The following HSPA4L variants were observed in gnomAD, a reference collection of about 807,000 sequenced individuals.
HSPA4L encodes heat shock 70 kDa protein 4L.
In HSPA4L, 48 loss-of-function variants were observed where a neutral mutation model predicts 100.3. The observed-to-expected ratio is 0.48, with a 90% CI of 0.38 to 0.61. The LOEUF is 0.61. Ranked by LOEUF, HSPA4L falls within the 20% of genes least tolerant of loss-of-function variation. The pLI, the probability that HSPA4L is intolerant of heterozygous loss-of-function variation, is 0.00. For missense variants in HSPA4L, 886 were observed against 988.6 expected, an observed-to-expected ratio of 0.90 and a Z score of 1.39; for synonymous variants, 319 against 328.2, an observed-to-expected ratio of 0.97 and a Z score of 0.30.
At chr4:127,817,066 T>G (rs1198275773) in intron 12 of HSPA4L, among the ~76,000 whole-genome samples, 2 of 152,068 alleles carry the variant, frequency 1.3e-5, no homozygotes, top group Non-Finnish European at 2.9e-5. Context: ...TCAAAAATAA[T>G]TGATTTTTTT....
At chr4:127,813,110 T>C (rs1053399095) in intron 12 of HSPA4L, 1 of 1,305,396 alleles carries the variant, frequency 7.7e-7, no homozygotes, top group Non-Finnish European at 1.1e-6. Context: ...TAGATTCGCA[T>C]ATACGTGGCC....
rs768949544 is a variant in HSPA4L at position 127,820,438 on chromosome 4, C to T, written c.1685C>T (p.Ser562Leu). ...HTGAKTKSAV[S>L]DKQDRLNQTL... ...CTTTCGGATTTGCAGTCAGCTGTCT[C>T]AGACAAACAAGACCGATTAAATCAG... The change falls in exon 14 of 19, where the codon TCA becomes TTA. Residue 562 changes from serine (S) to leucine (L), a missense_variant. Transcript: ENST00000296464. 19 of 1,591,234 alleles carry T rather than the reference C, an allele frequency of 1.2e-5. No homozygotes were observed. In the Admixed American group the frequency reaches 3.5e-4, roughly 30 times the overall value.
At chr4:127,817,524 A>T (rs1334465261) in intron 12 of HSPA4L, among the ~76,000 whole-genome samples, 1 of 152,158 alleles carries the variant, frequency 6.6e-6, no homozygotes, top group Non-Finnish European at 1.5e-5. Context: ...GACCAAAAAA[A>T]TCTATTATAT....
At chr4:127,813,213 C>G in intron 12 of HSPA4L, 1 of 1,191,152 alleles carries the variant, frequency 8.4e-7, no homozygotes, top group Admixed American at 1.7e-5. Flanking sequence ...TGGCGAATTA[C>G]TGGAAGATGG....
intron 18 of HSPA4L, among the ~76,000 whole-genome samples, chr4:127,831,637 G>A (rs571835410): frequency 1.3e-5 from 2 of 151,506 alleles, no homozygotes; most frequent in Admixed American, 6.6e-5. Flanking sequence ...TCTGTTTAAA[G>A]ATGTATACAG....
At chr4:127,821,253 A>G (rs554783507) in intron 14 of HSPA4L, among the ~76,000 whole-genome samples, 1 of 152,202 alleles carries the variant, frequency 6.6e-6, no homozygotes, top group South Asian at 2.1e-4. Flanking sequence ...ATTCCTGGAG[A>G]TCCTGAATAA....
rs35272929 is a variant in HSPA4L, at chr4:127,811,179, C to CTT, written c.1379-245_1379-244dup. On this transcript the variant is annotated intron_variant, in intron 11 of 18. Transcript: ENST00000296464. Reference sequence around the variant, plus strand: ...ATTGTCCATGGTTAAATTCCCAGTGCTTTTTTTTTTTTTTCCTAGCATTGA... The same window carrying CTT: ...ATTGTCCATGGTTAAATTCCCAGTGCTTTTTTTTTTTTTTTTCCTAGCATTGA... 9.9e-4 allele frequency among the ~76,000 whole-genome samples: 141 copies of CTT among 142,416 alleles called. 1 individual carries two copies. Among genetic ancestry groups the CTT allele is most frequent in the South Asian group, 7.7e-3 (35 of 4,536 alleles). 93.4% of individuals were successfully genotyped at this position (142,416 alleles called of 152,430 possible). A position where few individuals can be genotyped will look rare whatever the true frequency, so the allele number is the denominator to read the frequency against.
Position 127,805,099 on chromosome 4 carries a change from A to G in HSPA4L, c.1012A>G (p.Ile338Val), listed in dbSNP as rs1218506601. ...CTTACAACGTGAAGACATTAGTAGT[A>G]TAGAAATTGTAGGAGGAGCAACACG... is the stretch of plus-strand genomic sequence containing the variant. Reference protein sequence around the residue: ...ANLQREDISSIEIVGGATRIP... With the variant: ...ANLQREDISSVEIVGGATRIP... Residue 338 changes from isoleucine (I) to valine (V), a missense_variant, in exon 9 of 19, where the codon ATA becomes GTA. Coordinates refer to ENST00000296464, the MANE Select transcript of HSPA4L (RefSeq NM_014278.4). 6.2e-7 allele frequency: 1 copy of G among 1,610,992 alleles called. No homozygotes were observed. The highest frequency in any genetic ancestry group is 1.7e-4 in the Middle Eastern group (1 of 5,830).
chr4:127,830,026 T>C (rs1438703090), intron 17 of HSPA4L, among the ~76,000 whole-genome samples: 1 of 152,142 alleles, frequency 6.6e-6, no homozygotes, highest in Non-Finnish European at 1.5e-5. Flanking sequence ...GTTTTAAAAA[T>C]GGCATCACCA....
intron 15 of HSPA4L, 130 bp from the exon 16 acceptor site, chr4:127,823,387 G>C (rs116379642): frequency 1.6e-6 from 1 of 611,384 alleles, no homozygotes; most frequent in African/African-American, 1.9e-5. Flanking sequence ...GGGCTCAAGC[G>C]ATCCTCCCAC....
In HSPA4L at chr4:127,787,343, C is replaced by G. The variant is rs907302936; in HGVS notation, c.107+4686C>G. 2.0e-5 allele frequency among the ~76,000 whole-genome samples: 3 copies of G among 151,992 alleles called. No homozygotes were observed. The South Asian group carries it at 6.2e-4, about 31-fold the overall frequency. ...CTTTTACCTTTTTTTGTTAAATATT[C>G]TTTTTACTACATGAGTTGGTTTTAT... On this transcript the variant is annotated intron_variant, in intron 1 of 18. Coordinates refer to ENST00000296464, the MANE Select transcript of HSPA4L (RefSeq NM_014278.4).
intron 1 of HSPA4L, among the ~76,000 whole-genome samples, chr4:127,789,099 A>T (rs544156187): frequency 6.6e-6 from 1 of 152,198 alleles, no homozygotes; most frequent in Non-Finnish European, 1.5e-5. Context: ...ATTTTCTCCA[A>T]CCTAATTACG....
At position 127,835,093 on chromosome 4, in the gene HSPA4L, C is replaced by T. The variant is rs1560675504; in HGVS notation, c.*2219C>T. 1 of 152,088 alleles carries T rather than the reference C, an allele frequency of 6.6e-6. No individual in the cohort carries two copies. The highest frequency in any genetic ancestry group is 2.4e-5 in the African/African-American group (1 of 41,412). The allele number at this position is 152,088 out of a possible 1,614,324, so 9.4% of individuals were successfully genotyped here. ...TTTAATGCAGCTTTGGGTAGACAGT[C>T]TAATTCAGTCCAATTTTAATCTGCA... is the stretch of plus-strand genomic sequence containing the variant. On this transcript the variant is annotated 3_prime_UTR_variant, in exon 19 of 19. Transcript: ENST00000296464.
At chr4:127,828,912 A>G (rs907165006) in intron 17 of HSPA4L, among the ~76,000 whole-genome samples, 1 of 152,144 alleles carries the variant, frequency 6.6e-6, no homozygotes, top group African/African-American at 2.4e-5. Context: ...TTGCTCAAAC[A>G]TTTGAGTTTT....
chr4:127,820,296 C>A, intron 13 of HSPA4L, 132 bp from the exon 14 acceptor site: 2 of 646,330 alleles, frequency 3.1e-6, no homozygotes, highest in Non-Finnish European at 4.7e-6. Flanking sequence ...TACAAAATAA[C>A]ATCAGTCTTA....
chr4:127,830,529 T>G, intron 17 of HSPA4L, 109 bp from the exon 18 acceptor site: 2 of 744,876 alleles, frequency 2.7e-6, no homozygotes, highest in Non-Finnish European at 4.2e-6. Context: ...TGAGTACATT[T>G]GAGATATACA....
At chr4:127,804,979 A>T in intron 8 of HSPA4L, 94 bp from the exon 9 acceptor site, 1 of 701,880 alleles carries the variant, frequency 1.4e-6, no homozygotes, top group African/African-American at 1.8e-5. Context: ...CTGACAAGTA[A>T]AAAGTCAATC....
intron 1 of HSPA4L, among the ~76,000 whole-genome samples, chr4:127,785,924 A>C (rs1344283633): frequency 6.6e-6 from 1 of 152,274 alleles, no homozygotes; most frequent in Non-Finnish European, 1.5e-5. Context: ...TCCTAGAAGT[A>C]GAATTACTGA....
Position 127,826,646 on chromosome 4 carries a change from CCTTTT to C in HSPA4L, c.2047-658_2047-654del, listed in dbSNP as rs1477906795. Among the ~76,000 whole-genome samples, 9 of 152,058 alleles carry C rather than the reference CCTTTT, an allele frequency of 5.9e-5. No homozygotes were observed. In the East Asian group the frequency reaches 1.7e-3, roughly 29 times the overall value. Reference sequence around the variant, plus strand: ...CTGGTGCTTGCTCTCTGTATAATTTCCTTTTAACTTTTCTGTAAATCTAAAACTGT... The same window carrying C: ...CTGGTGCTTGCTCTCTGTATAATTTCAACTTTTCTGTAAATCTAAAACTGT... On this transcript the variant is annotated intron_variant, in intron 16 of 18. Transcript: ENST00000296464.
Sources: gnomAD v4.1 joint callset for allele counts (sites outside exome capture counted in the v4.1 genomes callset) on GRCh38, gnomAD v4.1.1 for gene constraint, MANE v1.5 for transcripts, NCBI Gene and HGNC (gene_info 2026-07-23, HGNC 2026-07-21) for gene names.